The following MBTD1 variants were observed in gnomAD, a reference collection of about 807,000 sequenced individuals.
MBTD1 encodes MBT domain-containing protein 1.
A neutral mutation model predicts 87.8 loss-of-function variants in MBTD1; 24 were observed. The ratio of observed to expected loss-of-function variants is 0.27; its 90% confidence interval spans 0.20 to 0.38. The LOEUF (loss-of-function observed/expected upper bound fraction) is 0.38, where lower values mean the gene tolerates loss of function less well. MBTD1 is among the 10% of genes least tolerant of loss of function. The pLI is 1.00. For missense variants in MBTD1, 436 were observed against 760.2 expected, an observed-to-expected ratio of 0.57 and a Z score of 5.02; for synonymous variants, 237 against 248.6, an observed-to-expected ratio of 0.95 and a Z score of 0.44.
In MBTD1 at chr17:51,217,368, C is replaced by G; in HGVS notation, c.452G>C (p.Ser151Thr). The G allele has an allele frequency of 6.5e-7, 1 of 1,539,948 alleles. No homozygotes were observed. Among genetic ancestry groups the G allele is most frequent in the Non-Finnish European group, 8.8e-7 (1 of 1,142,240 alleles). ...ACAGGTAACCGGAGCTGCTATAAAGCTATTGCTATTGATGTAGTTACCCCA... is the reference window on the plus strand; with the variant it reads ...ACAGGTAACCGGAGCTGCTATAAAGGTATTGCTATTGATGTAGTTACCCCA... ...FSWGNYINSN[S>T]FIAAPVTCFK... The change falls in exon 6 of 17, where the codon AGC (serine) becomes ACC (threonine). Residue 151 changes from serine (S) to threonine (T), a missense_variant. Physicochemically the swap from Ser to Thr is moderately conservative, Grantham distance 58 (BLOSUM62 1). Transcript: ENST00000586178.
At position 51,178,294 on chromosome 17, in the gene MBTD1, T is replaced by C. The variant is rs2050170310; in HGVS notation, c.*2282A>G. ...AGGGCTTTAGGTTGTGTTCAGACTG[T>C]AGAAAAGTCCTTACCAACCTTCAAC... On this transcript the variant is annotated 3_prime_UTR_variant, in exon 17 of 17. Transcript: ENST00000586178. The C allele has an allele frequency of 6.6e-6, 1 of 152,212 alleles. No homozygotes were observed. The highest frequency in any genetic ancestry group is 2.1e-4 in the South Asian group (1 of 4,832). 9.4% of individuals were successfully genotyped at this position (152,212 alleles called of 1,614,324 possible). A position where few individuals can be genotyped will look rare whatever the true frequency, so the allele number is the denominator to read the frequency against.
At chr17:51,212,855 C>T (rs2052331024) in intron 6 of MBTD1, among the ~76,000 whole-genome samples, 1 of 152,078 alleles carries the variant, frequency 6.6e-6, no homozygotes, top group Admixed American at 6.5e-5. Context: ...CTTCCGGTTT[C>T]AAGCAATTCT....
chr17:51,202,738 A>G lies in MBTD1; in HGVS notation c.1026T>C (p.Gly342=). The G allele has an allele frequency of 1.9e-6, 3 of 1,614,184 alleles. No individual in the cohort carries two copies. In the South Asian group the frequency reaches 3.3e-5, roughly 18 times the overall value. ...ATCGATGACCTATGCTTCGAGACCA[A>G]CCAATATGATGTATTAATGGGCTGT... is the stretch of plus-strand genomic sequence containing the variant. ...HMHSPLIHHI[G]WSRSIGHRFK... The change falls in exon 10 of 17, where the codon GGT becomes GGC. Residue 342 remains glycine, a synonymous_variant. Coordinates refer to ENST00000586178, the MANE Select transcript of MBTD1 (RefSeq NM_017643.3).
chr17:51,204,030 C>A, intron 7 of MBTD1, 105 bp from the exon 8 acceptor site: 1 of 864,710 alleles, frequency 1.2e-6, no homozygotes, highest in South Asian at 1.8e-5. Context: ...GCAATACAAT[C>A]ACCTGCAGGG....
chr17:51,253,057 T>G (rs983068678), intron 2 of MBTD1, among the ~76,000 whole-genome samples: 52 of 152,218 alleles, frequency 3.4e-4, no homozygotes, highest in African/African-American at 1.2e-3. Flanking sequence ...GTTTAATTAT[T>G]GTACTATCAA....
chr17:51,180,797 T>A (rs2050271298), intron 16 of MBTD1, 103 bp from the exon 17 acceptor site: 6 of 677,800 alleles, frequency 8.9e-6, no homozygotes, highest in Non-Finnish European at 1.0e-5. Context: ...TTAAGACTTC[T>A]TCATTTCTTC....
intron 2 of MBTD1, among the ~76,000 whole-genome samples, chr17:51,237,251 G>A (rs753628961): frequency 3.3e-4 from 48 of 145,388 alleles, no homozygotes; most frequent in Non-Finnish European, 4.8e-4. Context: ...AGCCAAGATC[G>A]TGCCATTGCA....
At chr17:51,197,246 T>G (rs1417598892) in intron 12 of MBTD1, among the ~76,000 whole-genome samples, 2 of 150,432 alleles carry the variant, frequency 1.3e-5, no homozygotes, top group Non-Finnish European at 3.0e-5. Flanking sequence ...GGATTACAGG[T>G]GCTCACCACC....
chr17:51,208,942 G>C (rs2052014124), intron 6 of MBTD1, among the ~76,000 whole-genome samples: 1 of 152,198 alleles, frequency 6.6e-6, no homozygotes, highest in Admixed American at 6.5e-5. Flanking sequence ...TGGTATAGGA[G>C]AAAGTAGCAG....
At chr17:51,231,261 A>G (rs1256429481) in intron 2 of MBTD1, among the ~76,000 whole-genome samples, 1 of 152,132 alleles carries the variant, frequency 6.6e-6, no homozygotes, top group African/African-American at 2.4e-5. Context: ...TAGTTTTCAT[A>G]TAGGCTTGTC....
chr17:51,248,397 TATC>T (rs1395103731), intron 2 of MBTD1, among the ~76,000 whole-genome samples: 2 of 152,196 alleles, frequency 1.3e-5, no homozygotes, highest in Non-Finnish European at 2.9e-5. Context: ...GTACTTTTCT[TATC>T]ATCATTTTCC....
intron 2 of MBTD1, among the ~76,000 whole-genome samples, chr17:51,254,140 T>C (rs1312073433): frequency 2.0e-5 from 3 of 152,222 alleles, no homozygotes; most frequent in African/African-American, 4.8e-5. Flanking sequence ...GAATGTTGTA[T>C]GCATGAGATC....
At chr17:51,209,870 ATAT>A (rs1462417294) in intron 6 of MBTD1, among the ~76,000 whole-genome samples, 2 of 152,240 alleles carry the variant, frequency 1.3e-5, no homozygotes, top group Admixed American at 6.5e-5. Flanking sequence ...GGATGATGAA[ATAT>A]TATTTGGAAG....
intron 12 of MBTD1, among the ~76,000 whole-genome samples, chr17:51,200,764 CGAGGCAGGAGGATCACCTGAGCCTGG>C (rs533000229): frequency 0.023 from 3,494 of 150,828 alleles, 57 homozygotes; most frequent in Non-Finnish European, 0.032. Context: ...CTCAGGGGGC[CGAGGCAGGAGGATCACCTGAGCCTGG>C]GAGGCAGAGG....
chr17:51,249,788 T>A (rs755370253), intron 2 of MBTD1: 1 of 152,232 alleles, frequency 6.6e-6, no homozygotes, highest in African/African-American at 2.4e-5. Context: ...TACAGTACAC[T>A]GTATTTTTTT....
intron 16 of MBTD1, among the ~76,000 whole-genome samples, chr17:51,189,097 G>A (rs147473925): frequency 1.4e-3 from 218 of 152,210 alleles, no homozygotes; most frequent in African/African-American, 5.0e-3. Context: ...CAACAAAGCC[G>A]TACCTCACTT....
At chr17:51,223,601 C>T (rs368827465) in intron 3 of MBTD1, among the ~76,000 whole-genome samples, 2 of 151,702 alleles carry the variant, frequency 1.3e-5, no homozygotes, top group African/African-American at 2.4e-5. Context: ...TTTGAGAGGC[C>T]GAGGCAGGCA....
chr17:51,248,412 G>A (rs1194399912), intron 2 of MBTD1, among the ~76,000 whole-genome samples: 5 of 152,208 alleles, frequency 3.3e-5, no homozygotes, highest in South Asian at 4.1e-4. Context: ...TCATTTTCCA[G>A]AAACTTTGCA....
intron 2 of MBTD1, chr17:51,256,615 T>C (rs1437343718): frequency 1.3e-5 from 2 of 152,234 alleles, no homozygotes; most frequent in Non-Finnish European, 2.9e-5. Context: ...GTATGTCCAG[T>C]ATGCCAGACA....
Sources: gnomAD v4.1 joint callset for allele counts (sites outside exome capture counted in the v4.1 genomes callset) on GRCh38, gnomAD v4.1.1 for gene constraint, MANE v1.5 for transcripts, NCBI Gene and HGNC (gene_info 2026-07-23, HGNC 2026-07-21) for gene names.